Variants in CREG2 observed in about 807,000 individuals in gnomAD.
CREG2 encodes the protein cellular repressor of E1A stimulated genes 2.
Under a neutral mutation model 26.2 loss-of-function variants are expected in CREG2, and 24 were observed. The ratio of observed to expected loss-of-function variants is 0.92; its 90% CI spans 0.66 to 1.29. The LOEUF is 1.29. Among genes scored for constraint, CREG2 ranks in the 50% most tolerant of loss-of-function variants. The pLI is 0.00. For synonymous variants in CREG2, 174 were observed against 169.2 expected (o/e 1.03, Z -0.22); for missense variants, 366 against 398.6 (o/e 0.92, Z 0.70).
At chr2:101,367,279 A>G (rs1684631544) in intron 2 of CREG2, among the ~76,000 whole-genome samples, 1 of 152,204 alleles carries the variant, frequency 6.6e-6, no homozygotes, top group Non-Finnish European at 1.5e-5. Flanking sequence ...CACTCTTGAG[A>G]GTCAAGGAAC....
rs965562057 is a variant in CREG2 at position 101,349,243 on chromosome 2, T to C, written c.*1680A>G. The stretch of plus-strand genomic sequence containing the variant: ...GCAATAATTTTAAACTCTGAAAATA[T>C]AAAATTCCCTCAGAAGTACCTTATT... On this transcript the variant is annotated 3_prime_UTR_variant, in exon 4 of 4. Transcript: ENST00000324768. 6.6e-6 allele frequency: 1 copy of C among 152,632 alleles called. No homozygotes were observed. Among genetic ancestry groups the C allele is most frequent in the Non-Finnish European group, 1.5e-5 (1 of 68,040 alleles). The allele number at this position is 152,632 out of a possible 1,614,324, so 9.5% of individuals were successfully genotyped here.
intron 2 of CREG2, among the ~76,000 whole-genome samples, chr2:101,378,327 A>G (rs1320581848): frequency 1.3e-5 from 2 of 152,250 alleles, no homozygotes; most frequent in Middle Eastern, 3.2e-3. Flanking sequence ...CAGGAAATGC[A>G]TATAAGACCG....
intron 3 of CREG2, among the ~76,000 whole-genome samples, chr2:101,351,753 CT>C (rs1249292035): frequency 1.3e-5 from 2 of 151,914 alleles, no homozygotes; most frequent in Non-Finnish European, 2.9e-5. Flanking sequence ...TGGCTTACTT[CT>C]TTTTTTTAAC....
intron 3 of CREG2, among the ~76,000 whole-genome samples, chr2:101,354,889 T>G (rs6543033): frequency 1.3e-5 from 2 of 151,874 alleles, no homozygotes; most frequent in Admixed American, 6.6e-5. Flanking sequence ...AGCACCACAC[T>G]GAGAAACGCT....
intron 2 of CREG2, among the ~76,000 whole-genome samples, chr2:101,368,111 A>AC (rs1315349763): frequency 6.6e-6 from 1 of 152,128 alleles, no homozygotes; most frequent in Non-Finnish European, 1.5e-5. Context: ...ACATAGTGAA[A>AC]CCCCGTCTCT....
At chr2:101,352,864 C>T (rs1684403084) in intron 3 of CREG2, among the ~76,000 whole-genome samples, 1 of 152,122 alleles carries the variant, frequency 6.6e-6, no homozygotes, top group South Asian at 2.1e-4. Flanking sequence ...GCAAGAAGAT[C>T]CCTTGAGCCC....
Position 101,347,467 on chromosome 2 carries a change from C to G in CREG2, c.*3456G>C, listed in dbSNP as rs912063610. The G allele has an allele frequency of 1.3e-5, 2 of 152,146 alleles. No individual in the cohort carries two copies. The highest frequency in any genetic ancestry group is 4.8e-5 in the African/African-American group (2 of 41,434). 9.4% of individuals were successfully genotyped at this position (152,146 alleles called of 1,614,324 possible). Reference sequence around the variant, plus strand: ...ATGACTGACCCGGTTTATCTGCATCCTTGTCAGCGTTTGGTGTTATCATTA... The same window carrying G: ...ATGACTGACCCGGTTTATCTGCATCGTTGTCAGCGTTTGGTGTTATCATTA... On this transcript the variant is annotated 3_prime_UTR_variant, in exon 4 of 4. Coordinates refer to ENST00000324768, the MANE Select transcript of CREG2 (RefSeq NM_153836.4).
At chr2:101,356,783 A>C (rs767869810) in intron 2 of CREG2, among the ~76,000 whole-genome samples, 3 of 152,174 alleles carry the variant, frequency 2.0e-5, no homozygotes, top group African/African-American at 4.8e-5. Flanking sequence ...TAGTGTGATC[A>C]TATTTGTGAC....
chr2:101,359,862 T>G (rs970849270), intron 2 of CREG2, among the ~76,000 whole-genome samples: 4 of 152,228 alleles, frequency 2.6e-5, no homozygotes, highest in African/African-American at 9.6e-5. Flanking sequence ...TTCAGGGGTC[T>G]CCAAATGACT....
At chr2:101,357,468 T>TC in intron 2 of CREG2, among the ~76,000 whole-genome samples, 1 of 152,332 alleles carries the variant, frequency 6.6e-6, no homozygotes, top group African/African-American at 2.4e-5. Context: ...AAGCTCTTCT[T>TC]GGCCACAGCT....
At chr2:101,370,225 T>G (rs572949646) in intron 2 of CREG2, among the ~76,000 whole-genome samples, 51 of 152,356 alleles carry the variant, frequency 3.3e-4, no homozygotes, top group Admixed American at 1.3e-3. Context: ...TAACTCTTCA[T>G]GTATACCATA....
chr2:101,381,312 C>T (rs1356428490), intron 2 of CREG2, among the ~76,000 whole-genome samples: 1 of 152,188 alleles, frequency 6.6e-6, no homozygotes, highest in East Asian at 1.9e-4. Context: ...CCTTGCTTGG[C>T]TTGTTTATTC....
intron 2 of CREG2, among the ~76,000 whole-genome samples, chr2:101,377,304 T>C (rs1222096926): frequency 6.6e-6 from 1 of 152,224 alleles, no homozygotes; most frequent in African/African-American, 2.4e-5. Flanking sequence ...TAAAACCTCT[T>C]TGGGTTTCAT....
intron 3 of CREG2, among the ~76,000 whole-genome samples, chr2:101,351,927 C>T (rs968359106): frequency 6.6e-6 from 1 of 151,840 alleles, no homozygotes; most frequent in African/African-American, 2.4e-5. Context: ...GCTCTGTTGC[C>T]CTGGCTGGAG....
intron 2 of CREG2, among the ~76,000 whole-genome samples, chr2:101,374,522 G>A (rs1323654333): frequency 6.6e-6 from 1 of 152,250 alleles, no homozygotes; most frequent in Non-Finnish European, 1.5e-5. Context: ...ACAAGATTCA[G>A]TGAAGAGAAA....
intron 2 of CREG2, among the ~76,000 whole-genome samples, chr2:101,357,130 G>A (rs1364557444): frequency 1.3e-5 from 2 of 151,996 alleles, no homozygotes; most frequent in African/African-American, 2.4e-5. Context: ...CCTGTGATTC[G>A]CCCGCCTCAG....
At chr2:101,376,531 C>T (rs555875652) in intron 2 of CREG2, among the ~76,000 whole-genome samples, 11 of 152,250 alleles carry the variant, frequency 7.2e-5, no homozygotes, top group Non-Finnish European at 1.0e-4. Flanking sequence ...TTGCCTGCCT[C>T]GGCCTCCCAA....
rs1285566456 is a variant in CREG2, at chr2:101,345,791, T to A, written c.*5132A>T. 1 of 152,072 alleles carries A rather than the reference T, an allele frequency of 6.6e-6. No homozygotes were observed. The highest frequency in any genetic ancestry group is 1.5e-5 in the Non-Finnish European group (1 of 68,016). The allele number at this position is 152,072 out of a possible 1,614,324, so 9.4% of individuals were successfully genotyped here. A position where few individuals can be genotyped will look rare whatever the true frequency, so the allele number is the denominator to read the frequency against. ...TCAGAACAGTATTTGATAGTTCAATTATTTAAATAAATACAGACTTTTTGG... is the reference window on the plus strand; with the variant it reads ...TCAGAACAGTATTTGATAGTTCAATAATTTAAATAAATACAGACTTTTTGG... On this transcript the variant is annotated 3_prime_UTR_variant, in exon 4 of 4. Transcript: ENST00000324768.
intron 2 of CREG2, 61 bp from the exon 3 acceptor site, chr2:101,355,427 T>C: frequency 9.5e-7 from 1 of 1,050,068 alleles, no homozygotes; most frequent in Non-Finnish European, 1.5e-6. Flanking sequence ...CCAGCAATTC[T>C]AACGATTTTA....
Sources: allele counts gnomAD v4.1 joint callset (sites outside exome capture counted in the v4.1 genomes callset), GRCh38; gene constraint gnomAD v4.1.1; transcripts MANE v1.5; gene names NCBI Gene and HGNC (gene_info 2026-07-23, HGNC 2026-07-21).